Variants in PUDP observed in about 807,000 individuals in gnomAD.
PUDP encodes pseudouridine-5'-phosphatase.
Under a neutral mutation model 9.4 loss-of-function variants are expected in PUDP, and 8 were observed. The observed-to-expected ratio is 0.85, with a 90% confidence interval of 0.50 to 1.53. The LOEUF (loss-of-function observed/expected upper bound fraction) is 1.53. Among genes scored for constraint, PUDP ranks in the 40% most tolerant of loss-of-function variants. The pLI, the probability that PUDP is intolerant of heterozygous loss-of-function variation, is 0.00. For synonymous variants in PUDP, 99 were observed against 80.7 expected, an observed-to-expected ratio of 1.23 and a Z score of -1.22; for missense variants, 188 against 189.7, an observed-to-expected ratio of 0.99 and a Z score of 0.05.
intron 3 of PUDP, among the ~76,000 whole-genome samples, chrX:6,925,560 G>A (rs959792175): frequency 1.8e-5 from 2 of 112,106 alleles, no homozygotes; most frequent in Non-Finnish European, 3.8e-5. Flanking sequence ...TGAGCCAATA[G>A]CAGTGACCAC....
intron 3 of PUDP, among the ~76,000 whole-genome samples, chrX:6,801,573 C>G (rs781141307): frequency 9.0e-6 from 1 of 111,059 alleles, no homozygotes; most frequent in African/African-American, 3.3e-5. Context: ...GTCAGTCCCC[C>G]TCGCCACACA....
intron 3 of PUDP, among the ~76,000 whole-genome samples, chrX:6,924,958 A>G (rs1928079358): frequency 8.9e-6 from 1 of 112,026 alleles, no homozygotes; most frequent in Non-Finnish European, 1.9e-5. Context: ...ATGTGTGAGC[A>G]TGAGACCAGC....
chrX:7,068,743 T>G (rs1301584202), intron 3 of PUDP, among the ~76,000 whole-genome samples: 1 of 110,568 alleles, frequency 9.0e-6, no homozygotes, highest in Non-Finnish European at 1.9e-5. Context: ...GAAAATGGAG[T>G]GTTGGCCGTG....
chrX:6,997,930 T>A (rs1929272808), intron 1 of PUDP, among the ~76,000 whole-genome samples: 1 of 112,204 alleles, frequency 8.9e-6, no homozygotes, highest in Non-Finnish European at 1.9e-5. Flanking sequence ...ATGGGCTCAT[T>A]TTGAGTAAGT....
intron 1 of PUDP, among the ~76,000 whole-genome samples, chrX:7,119,416 G>C (rs1012799951): frequency 5.7e-4 from 64 of 112,506 alleles, no homozygotes; most frequent in African/African-American, 2.0e-3. Context: ...GTGCTTTCTC[G>C]TGTTTAGGAA....
At chrX:6,839,265 C>A (rs1926630039) in intron 3 of PUDP, among the ~76,000 whole-genome samples, 1 of 111,665 alleles carries the variant, frequency 9.0e-6, no homozygotes, top group African/African-American at 3.3e-5. Flanking sequence ...TCTGTAATAT[C>A]TCCCGTTTCT....
chrX:7,103,964 G>T (rs764262227), intron 2 of PUDP, among the ~76,000 whole-genome samples: 2 of 112,063 alleles, frequency 1.8e-5, no homozygotes, highest in African/African-American at 6.5e-5. Context: ...ATACAATGGT[G>T]TAACAACTAT....
intron 3 of PUDP, among the ~76,000 whole-genome samples, chrX:7,075,627 C>T (rs1165668911): frequency 3.6e-5 from 4 of 111,839 alleles, no homozygotes; most frequent in African/African-American, 9.8e-5. Flanking sequence ...ATCACTCACA[C>T]CTACGTAAGA....
intron 1 of PUDP, among the ~76,000 whole-genome samples, chrX:7,119,341 G>A (rs903916821): frequency 2.7e-5 from 3 of 112,613 alleles, no homozygotes; most frequent in Non-Finnish European, 3.7e-5. Context: ...ATACAGGATA[G>A]AAACTTCCAC....
chrX:6,872,385 C>T (rs7473634), intron 3 of PUDP, among the ~76,000 whole-genome samples: 10,232 of 110,785 alleles, frequency 0.092, 603 homozygotes, highest in East Asian at 0.46. Flanking sequence ...CTCATTTTAA[C>T]GTGATTACCT....
chrX:7,013,775 G>A (rs1303842683), intron 1 of PUDP, among the ~76,000 whole-genome samples: 1 of 111,922 alleles, frequency 8.9e-6, no homozygotes, highest in Non-Finnish European at 1.9e-5. Flanking sequence ...AGTGTCTGGG[G>A]AGGGGGGGTG....
At chrX:7,100,436 TACAG>T (rs763971983) in intron 2 of PUDP, among the ~76,000 whole-genome samples, 7 of 111,998 alleles carry the variant, frequency 6.3e-5, no homozygotes, top group Non-Finnish European at 1.1e-4. Context: ...AAGCCCTCCC[TACAG>T]ACAGCTTTCT....
At chrX:7,058,448 C>T (rs982524733) in intron 3 of PUDP, among the ~76,000 whole-genome samples, 1 of 112,090 alleles carries the variant, frequency 8.9e-6, no homozygotes, top group Admixed American at 9.4e-5. Flanking sequence ...AATCTCATCA[C>T]CAAAACCAGG....
At chrX:6,881,099 T>A (rs1927340040) in intron 3 of PUDP, among the ~76,000 whole-genome samples, 1 of 112,483 alleles carries the variant, frequency 8.9e-6, no homozygotes, top group Non-Finnish European at 1.9e-5. Flanking sequence ...TTCTCAGTAG[T>A]CATAGAATCC....
chrX:6,712,300 G>A (rs1419093047), intron 1 of PUDP, among the ~76,000 whole-genome samples: 1 of 111,288 alleles, frequency 9.0e-6, no homozygotes, highest in Admixed American at 9.6e-5. Context: ...ACAGGCATGT[G>A]CCACCATGCC....
chrX:7,105,570 C>A, intron 2 of PUDP, 50 bp downstream of exon 2: 1 of 943,640 alleles, frequency 1.1e-6, no homozygotes, highest in Non-Finnish European at 1.5e-6. Context: ...TTTACAAAAC[C>A]ATTGCTAATA....
chrX:7,134,337 G>C (rs765526326), intron 1 of PUDP, among the ~76,000 whole-genome samples: 2 of 112,063 alleles, frequency 1.8e-5, no homozygotes, highest in African/African-American at 6.5e-5. Flanking sequence ...GCAAAACTAT[G>C]AACAAATGGT....
At chrX:7,066,649 A>G (rs1269319779) in intron 3 of PUDP, among the ~76,000 whole-genome samples, 2 of 111,144 alleles carry the variant, frequency 1.8e-5, no homozygotes, top group Non-Finnish European at 3.8e-5. Context: ...CCTGCTTCCT[A>G]ACGGGCCATG....
In PUDP at chrX:6,816,957, T is replaced by C. The variant is rs141048367; in HGVS notation, c.*248-110491A>G. On this transcript the variant is annotated intron_variant and NMD_transcript_variant, in intron 3 of 3. Coordinates refer to the PUDP transcript ENST00000655425. ...ACACATATAGTATATACTATATGTA[T>C]ATACAATATATATACACATATAGTA... is the stretch of plus-strand genomic sequence containing the variant. Among the ~76,000 whole-genome samples the C allele has an allele frequency of 7.3e-3, 712 of 97,002 alleles. 7 individuals are homozygous for C. Among genetic ancestry groups the C allele is most frequent in the African/African-American group, 0.024 (637 of 26,181 alleles). The allele number at this position is 97,002 out of a possible 115,157, so 84.2% of individuals were successfully genotyped here.
Sources: gnomAD v4.1 joint callset for allele counts (sites outside exome capture counted in the v4.1 genomes callset) on GRCh38, gnomAD v4.1.1 for gene constraint, MANE v1.5 for transcripts, NCBI Gene and HGNC (gene_info 2026-07-23, HGNC 2026-07-21) for gene names.